The following PTPRR variants were observed in gnomAD, a reference collection of about 807,000 sequenced individuals.
PTPRR encodes the protein receptor-type tyrosine-protein phosphatase R.
A neutral mutation model predicts 77.2 loss-of-function variants in PTPRR; 38 were observed. The observed-to-expected ratio is 0.49, with a 90% CI of 0.38 to 0.65. The LOEUF is 0.65. Among genes scored for constraint, PTPRR ranks in the 30% least tolerant of loss-of-function variants. The pLI is 0.00. For synonymous variants in PTPRR, 299 were observed against 283.1 expected (o/e 1.06, Z -0.57); for missense variants, 744 against 799.2 (o/e 0.93, Z 0.83).
At chr12:70,893,418 G>C (rs972439224) in intron 1 of PTPRR, among the ~76,000 whole-genome samples, 1 of 151,778 alleles carries the variant, frequency 6.6e-6, no homozygotes, top group African/African-American at 2.4e-5. Flanking sequence ...GTATTACAAT[G>C]AACAGTTTTC....
chr12:70,893,197 C>T (rs955245061), intron 1 of PTPRR, among the ~76,000 whole-genome samples: 74 of 151,778 alleles, frequency 4.9e-4, no homozygotes, highest in Admixed American at 8.6e-4. Context: ...TAAAAGTGGG[C>T]GTACTTTGAA....
chr12:70,852,474 G>A (rs1892587091), intron 2 of PTPRR, among the ~76,000 whole-genome samples: 1 of 152,086 alleles, frequency 6.6e-6, no homozygotes, highest in Non-Finnish European at 1.5e-5. Flanking sequence ...GATTAATACT[G>A]TATTACTTCT....
At chr12:70,822,789 GAA>G (rs1242812042) in intron 2 of PTPRR, among the ~76,000 whole-genome samples, 1 of 152,144 alleles carries the variant, frequency 6.6e-6, no homozygotes, top group Admixed American at 6.5e-5. Context: ...TGCCGCTATG[GAA>G]AAGACATGGA....
At chr12:70,811,263 G>A (rs2137030845) in intron 2 of PTPRR, among the ~76,000 whole-genome samples, 1 of 152,220 alleles carries the variant, frequency 6.6e-6, no homozygotes, top group African/African-American at 2.4e-5. Flanking sequence ...TACAAAATAT[G>A]ACATTCTCAT....
At chr12:70,891,044 G>A (rs1362001863) in intron 2 of PTPRR, among the ~76,000 whole-genome samples, 2 of 152,086 alleles carry the variant, frequency 1.3e-5, no homozygotes, top group East Asian at 3.9e-4. Flanking sequence ...CTGGCAATTG[G>A]TGTTGCCAGC....
chr12:70,663,005 T>C (rs1054473704), intron 10 of PTPRR, among the ~76,000 whole-genome samples: 2 of 152,164 alleles, frequency 1.3e-5, no homozygotes, highest in African/African-American at 2.4e-5. Context: ...AATAAAAGAA[T>C]GTTTTCCCAC....
chr12:70,682,019 T>G (rs558311530), intron 10 of PTPRR, among the ~76,000 whole-genome samples: 1 of 151,142 alleles, frequency 6.6e-6, no homozygotes, highest in African/African-American at 2.4e-5. Flanking sequence ...TAGGCAGATT[T>G]ATTTTTGTTG....
intron 8 of PTPRR, among the ~76,000 whole-genome samples, chr12:70,692,770 A>T (rs1302113570): frequency 6.6e-6 from 1 of 152,100 alleles, no homozygotes; most frequent in African/African-American, 2.4e-5. Flanking sequence ...TGACCTTCCC[A>T]GGCAGAATTA....
chr12:70,794,600 GA>G (rs1891478570), intron 2 of PTPRR, among the ~76,000 whole-genome samples: 1 of 152,150 alleles, frequency 6.6e-6, no homozygotes, highest in Non-Finnish European at 1.5e-5. Flanking sequence ...ACAAATGGAG[GA>G]AAAGACACGA....
chr12:70,873,667 C>G (rs1181322705), intron 2 of PTPRR, among the ~76,000 whole-genome samples: 1 of 152,052 alleles, frequency 6.6e-6, no homozygotes, highest in Non-Finnish European at 1.5e-5. Context: ...ACCACACTTA[C>G]CATGTGTTAC....
At chr12:70,677,559 C>T (rs917381096) in intron 10 of PTPRR, among the ~76,000 whole-genome samples, 2 of 152,092 alleles carry the variant, frequency 1.3e-5, no homozygotes, top group African/African-American at 4.8e-5. Flanking sequence ...CATATATGGA[C>T]TTTTTAGTGT....
In PTPRR at chr12:70,726,019, C is replaced by T. The variant is rs917188425; in HGVS notation, c.1007+19799G>A. ...GTACACATCATAGATAGATGATGAT[C>T]ACAAGTGATATTTTTCAACATCTTC... On this transcript the variant is annotated intron_variant, in intron 6 of 13. Transcript: ENST00000283228. Among the ~76,000 whole-genome samples the T allele has an allele frequency of 4.6e-5, 7 of 151,748 alleles. No homozygotes were observed. The South Asian group carries it at 1.5e-3, about 32-fold the overall frequency.
At chr12:70,868,326 CA>C (rs757194394) in intron 2 of PTPRR, among the ~76,000 whole-genome samples, 1,562 of 145,438 alleles carry the variant, frequency 0.011, 17 homozygotes, top group Non-Finnish European at 0.018. Context: ...ACAATGAACT[CA>C]AACAAATTTA....
At chr12:70,730,011 G>A (rs1034936265) in intron 6 of PTPRR, among the ~76,000 whole-genome samples, 21 of 152,054 alleles carry the variant, frequency 1.4e-4, no homozygotes, top group Middle Eastern at 3.4e-3. Flanking sequence ...AAAAAACAAT[G>A]AAAAAATAAT....
chr12:70,792,748 C>A (rs1434756459), intron 2 of PTPRR, among the ~76,000 whole-genome samples: 1 of 151,980 alleles, frequency 6.6e-6, no homozygotes, highest in African/African-American at 2.4e-5. Context: ...AAAGATGCAT[C>A]AATTTAAATT....
chr12:70,772,226 C>T (rs1337880851), intron 2 of PTPRR, among the ~76,000 whole-genome samples: 2 of 152,102 alleles, frequency 1.3e-5, no homozygotes, highest in African/African-American at 4.8e-5. Context: ...AGTAGGCTAT[C>T]AATAACTATT....
chr12:70,827,879 C>A (rs1182013847), intron 2 of PTPRR, among the ~76,000 whole-genome samples: 1 of 151,822 alleles, frequency 6.6e-6, no homozygotes, highest in Admixed American at 6.6e-5. Flanking sequence ...CACCACTACA[C>A]CCAGCTAATT....
At chr12:70,841,862 G>T (rs1892403538) in intron 2 of PTPRR, among the ~76,000 whole-genome samples, 1 of 151,852 alleles carries the variant, frequency 6.6e-6, no homozygotes, top group South Asian at 2.1e-4. Flanking sequence ...TATATGAATG[G>T]GCACATGGTA....
intron 10 of PTPRR, among the ~76,000 whole-genome samples, chr12:70,682,591 T>C (rs1009691906): frequency 1.3e-5 from 2 of 152,206 alleles, no homozygotes; most frequent in Non-Finnish European, 2.9e-5. Flanking sequence ...ACTGGTTTTG[T>C]AGTGAGAGGT....
Sources: gnomAD v4.1 joint callset for allele counts (sites outside exome capture counted in the v4.1 genomes callset) on GRCh38, gnomAD v4.1.1 for gene constraint, MANE v1.5 for transcripts, NCBI Gene and HGNC (gene_info 2026-07-23, HGNC 2026-07-21) for gene names.